Variants in SDCCAG8 observed in about 807,000 individuals in gnomAD.
SDCCAG8 encodes SHH signaling and ciliogenesis regulator SDCCAG8.
A neutral mutation model predicts 101.8 loss-of-function variants in SDCCAG8; 74 were observed. That is an observed-to-expected ratio of 0.73 (90% confidence interval 0.60 to 0.88). The LOEUF is 0.88. Ranked by LOEUF, SDCCAG8 falls within the 40% of genes least tolerant of loss-of-function variation. The pLI is 0.00. For missense variants in SDCCAG8, 787 were observed against 822.6 expected (o/e 0.96, Z 0.53); for synonymous variants, 281 against 292.9 (o/e 0.96, Z 0.41).
chr1:243,432,217 A>C (rs983888365), intron 16 of SDCCAG8, among the ~76,000 whole-genome samples: 2 of 152,196 alleles, frequency 1.3e-5, no homozygotes, highest in Non-Finnish European at 2.9e-5. Context: ...TAAAAACAAA[A>C]AGAGTCCTTT....
At chr1:243,450,739 A>G (rs2083289057) in intron 16 of SDCCAG8, among the ~76,000 whole-genome samples, 2 of 152,028 alleles carry the variant, frequency 1.3e-5, no homozygotes, top group South Asian at 4.2e-4. Context: ...GCTCACTGCA[A>G]CCTCTGCCTC....
chr1:243,395,099 C>T (rs1351152116), intron 13 of SDCCAG8, among the ~76,000 whole-genome samples: 1 of 152,036 alleles, frequency 6.6e-6, no homozygotes, highest in Non-Finnish European at 1.5e-5. Flanking sequence ...CTGTGTGTGA[C>T]TGGAAGTGAT....
intron 5 of SDCCAG8, among the ~76,000 whole-genome samples, chr1:243,292,429 A>G (rs891475229): frequency 1.3e-5 from 2 of 152,330 alleles, no homozygotes; most frequent in South Asian, 2.1e-4. Flanking sequence ...AGATGCTCCT[A>G]TCACCCATGT....
intron 16 of SDCCAG8, among the ~76,000 whole-genome samples, chr1:243,452,463 C>T (rs530040172): frequency 7.7e-6 from 1 of 129,744 alleles, no homozygotes; most frequent in East Asian, 2.4e-4. Context: ...GGCTCTGTTA[C>T]CCAAGCTGGA....
chr1:243,410,759 G>A (rs1239417120), intron 13 of SDCCAG8, among the ~76,000 whole-genome samples: 3 of 152,090 alleles, frequency 2.0e-5, no homozygotes, highest in Non-Finnish European at 4.4e-5. Context: ...TTTTTAAATT[G>A]CAAGATTTAA....
chr1:243,269,280 G>A (rs148396004), intron 1 of SDCCAG8: 1 of 151,506 alleles, frequency 6.6e-6, no homozygotes, highest in Non-Finnish European at 1.5e-5. Flanking sequence ...ACAAGGGAAT[G>A]AGGCTGGGTT....
At chr1:243,453,653 T>G (rs2083529146) in intron 16 of SDCCAG8, among the ~76,000 whole-genome samples, 1 of 152,242 alleles carries the variant, frequency 6.6e-6, no homozygotes, top group African/African-American at 2.4e-5. Context: ...TATTTTGAAA[T>G]GTTCGGTTGA....
At chr1:243,420,264 C>T (rs2080901396) in intron 15 of SDCCAG8, among the ~76,000 whole-genome samples, 1 of 152,218 alleles carries the variant, frequency 6.6e-6, no homozygotes, top group Non-Finnish European at 1.5e-5. Flanking sequence ...TCTAAAGCCA[C>T]ACTGCAGGAT....
chr1:243,307,051 GTTTTTTTTTGT>G (rs935913097), intron 7 of SDCCAG8, among the ~76,000 whole-genome samples: 2 of 147,006 alleles, frequency 1.4e-5, no homozygotes, highest in African/African-American at 5.2e-5. Flanking sequence ...CAGCTAGAAA[GTTTTTTTTTGT>G]TTTTTTTTTT....
At chr1:243,476,898 TG>T (rs554833495) in intron 16 of SDCCAG8, among the ~76,000 whole-genome samples, 42 of 152,312 alleles carry the variant, frequency 2.8e-4, no homozygotes, top group African/African-American at 9.6e-4. Flanking sequence ...GGTAATATAC[TG>T]TGGTTCTGTA....
chr1:243,452,409 CAT>C (rs2083432294), intron 16 of SDCCAG8, among the ~76,000 whole-genome samples: 1 of 121,034 alleles, frequency 8.3e-6, no homozygotes, highest in Non-Finnish European at 1.7e-5. Context: ...GAGATGATCT[CAT>C]CTCTTTTTTT....
intron 10 of SDCCAG8, among the ~76,000 whole-genome samples, chr1:243,335,415 G>A (rs1272457884): frequency 6.6e-6 from 1 of 152,098 alleles, no homozygotes; most frequent in African/African-American, 2.4e-5. Context: ...GTATTTTTTG[G>A]TTGTTTGCTG....
intron 8 of SDCCAG8, among the ~76,000 whole-genome samples, chr1:243,312,138 G>A (rs927005349): frequency 7.9e-5 from 12 of 152,152 alleles, no homozygotes; most frequent in African/African-American, 2.9e-4. Context: ...CTTAACTAAT[G>A]CAGAGTGCTG....
At chr1:243,374,488 G>A (rs1219104468) in intron 12 of SDCCAG8, among the ~76,000 whole-genome samples, 1 of 152,020 alleles carries the variant, frequency 6.6e-6, no homozygotes, top group Non-Finnish European at 1.5e-5. Flanking sequence ...TAAGAATCAG[G>A]ATGGCCTAGG....
intron 13 of SDCCAG8, among the ~76,000 whole-genome samples, chr1:243,400,338 A>T (rs1259957905): frequency 6.6e-6 from 1 of 152,228 alleles, no homozygotes; most frequent in Non-Finnish European, 1.5e-5. Flanking sequence ...AAACTGAACT[A>T]AACTAATTTG....
intron 15 of SDCCAG8, among the ~76,000 whole-genome samples, chr1:243,422,050 G>A (rs755210549): frequency 3.3e-5 from 5 of 152,196 alleles, no homozygotes; most frequent in Non-Finnish European, 5.9e-5. Flanking sequence ...CCACAGAGTG[G>A]AGAGAAGTGT....
intron 5 of SDCCAG8, among the ~76,000 whole-genome samples, chr1:243,290,222 C>T (rs994585636): frequency 1.3e-5 from 2 of 151,836 alleles, no homozygotes; most frequent in African/African-American, 4.8e-5. Context: ...GATCCCCTGC[C>T]ACCCAATTAA....
At chr1:243,258,587 T>C (rs1572790080) in intron 1 of SDCCAG8, among the ~76,000 whole-genome samples, 1 of 152,270 alleles carries the variant, frequency 6.6e-6, no homozygotes, top group African/African-American at 2.4e-5. Context: ...GTATTTTTAG[T>C]AGAGACTGGG....
chr1:243,415,306 C>T (rs533031025), intron 13 of SDCCAG8, among the ~76,000 whole-genome samples: 231 of 152,082 alleles, frequency 1.5e-3, no homozygotes, highest in Middle Eastern at 0.014. Flanking sequence ...GTCTACAAAG[C>T]TTAGTTTTAA....
Sources: gnomAD v4.1 joint callset for allele counts (sites outside exome capture counted in the v4.1 genomes callset) on GRCh38, gnomAD v4.1.1 for gene constraint, MANE v1.5 for transcripts, NCBI Gene and HGNC (gene_info 2026-07-23, HGNC 2026-07-21) for gene names.